The following SPATA17 variants were observed in gnomAD, a reference collection of about 807,000 sequenced individuals.
SPATA17 encodes spermatogenesis-associated protein 17.
In SPATA17, 53 loss-of-function variants were observed where a neutral mutation model predicts 62.2. That is an observed-to-expected ratio of 0.85 (90% CI 0.68 to 1.07). SPATA17 has a LOEUF of 1.07. Ranked by LOEUF, SPATA17 falls within the 50% of genes least tolerant of loss-of-function variation. The probability of loss-of-function intolerance (pLI) is 0.00; values close to 1 mark genes in which losing one functional copy is unlikely to be tolerated. For synonymous variants in SPATA17, 146 were observed against 146.8 expected, an observed-to-expected ratio of 0.99 and a Z score of 0.04; for missense variants, 466 against 425.5, an observed-to-expected ratio of 1.10 and a Z score of -0.84.
At chr1:217,756,297 A>G (rs1046772764) in intron 6 of SPATA17, among the ~76,000 whole-genome samples, 1 of 148,526 alleles carries the variant, frequency 6.7e-6, no homozygotes, top group African/African-American at 2.5e-5. Context: ...ACTTATGTCT[A>G]TATTTGCCCA....
At chr1:217,718,876 CA>C (rs1416535394) in intron 5 of SPATA17, among the ~76,000 whole-genome samples, 4 of 151,996 alleles carry the variant, frequency 2.6e-5, no homozygotes, top group Admixed American at 2.6e-4. Context: ...ACAAAACAAA[CA>C]AAAAAACAGC....
At chr1:217,754,072 C>T (rs746969989) in intron 6 of SPATA17, among the ~76,000 whole-genome samples, 2 of 148,680 alleles carry the variant, frequency 1.3e-5, no homozygotes, top group Admixed American at 6.7e-5. Context: ...ACCATCTCTA[C>T]AAAAAAAAAA....
intron 9 of SPATA17, among the ~76,000 whole-genome samples, chr1:217,821,872 T>G (rs1674872092): frequency 6.6e-6 from 1 of 152,066 alleles, no homozygotes; most frequent in South Asian, 2.1e-4. Context: ...TGTATGTCCT[T>G]AGAAATGAGT....
At chr1:217,660,892 C>T (rs973103613) in intron 3 of SPATA17, among the ~76,000 whole-genome samples, 2 of 152,162 alleles carry the variant, frequency 1.3e-5, no homozygotes, top group Non-Finnish European at 2.9e-5. Flanking sequence ...TTATAAGAAA[C>T]ATTCTGAATG....
chr1:217,829,150 T>C (rs1223833233), intron 9 of SPATA17, among the ~76,000 whole-genome samples: 1 of 152,264 alleles, frequency 6.6e-6, no homozygotes, highest in Admixed American at 6.5e-5. Context: ...TCTACATTCA[T>C]TGCAGCATTA....
chr1:217,667,048 C>CTTTT (rs1191694917), intron 3 of SPATA17, among the ~76,000 whole-genome samples: 11 of 115,522 alleles, frequency 9.5e-5, no homozygotes, highest in Non-Finnish European at 1.6e-4. Flanking sequence ...TTTTTTTTTT[C>CTTTT]TTTTTTTTTT....
chr1:217,641,152 C>G (rs916470989), intron 1 of SPATA17, among the ~76,000 whole-genome samples: 2 of 151,966 alleles, frequency 1.3e-5, no homozygotes, highest in Non-Finnish European at 2.9e-5. Flanking sequence ...GTCCTCTGAC[C>G]GTGAAGGACT....
intron 8 of SPATA17, among the ~76,000 whole-genome samples, chr1:217,800,354 A>G (rs1480494044): frequency 1.3e-5 from 2 of 151,488 alleles, no homozygotes; most frequent in East Asian, 1.9e-4. Flanking sequence ...TCTGAAGGAT[A>G]TAAGTCCAAG....
Position 217,848,864 on chromosome 1 carries a change from A to G in SPATA17, c.1006-13910A>G, listed in dbSNP as rs143622831. On this transcript the variant is annotated intron_variant, in intron 9 of 10. Transcript: ENST00000366933. ...TCTTCAACTTCTTTTTGAATTTTAT[A>G]TTCCTTATTTCCATTTTATTGTCCT... Among the ~76,000 whole-genome samples, 1,326 of 152,120 alleles carry G rather than the reference A, an allele frequency of 8.7e-3. 13 individuals carry two copies. Among genetic ancestry groups the G allele is most frequent in the African/African-American group, 0.03 (1,260 of 41,516 alleles).
chr1:217,795,464 C>T (rs1213592487), intron 8 of SPATA17, among the ~76,000 whole-genome samples: 4 of 142,008 alleles, frequency 2.8e-5, no homozygotes, highest in African/African-American at 7.8e-5. Flanking sequence ...CCGCCTCTGG[C>T]GTTCAATTGA....
chr1:217,757,801 G>A (rs1310430761), intron 6 of SPATA17, among the ~76,000 whole-genome samples: 1 of 152,150 alleles, frequency 6.6e-6, no homozygotes, highest in Non-Finnish European at 1.5e-5. Context: ...AGATCATTAC[G>A]TTGTAGGCTT....
chr1:217,654,098 C>T (rs1440337759), intron 3 of SPATA17, among the ~76,000 whole-genome samples: 1 of 151,146 alleles, frequency 6.6e-6, no homozygotes, highest in African/African-American at 2.4e-5. Flanking sequence ...TCTTTCTTTC[C>T]AATTTTGACA....
intron 9 of SPATA17, among the ~76,000 whole-genome samples, chr1:217,815,406 T>C (rs1049338160): frequency 6.6e-6 from 1 of 152,170 alleles, no homozygotes; most frequent in Non-Finnish European, 1.5e-5. Context: ...TACTTCTAGG[T>C]AGGCCCCTAT....
chr1:217,648,073 T>C (rs1426559760), intron 1 of SPATA17, among the ~76,000 whole-genome samples: 1 of 152,142 alleles, frequency 6.6e-6, no homozygotes, highest in African/African-American at 2.4e-5. Flanking sequence ...TATACAACAA[T>C]AAGGAATCAT....
intron 5 of SPATA17, among the ~76,000 whole-genome samples, chr1:217,733,442 C>T (rs1481911339): frequency 6.6e-6 from 1 of 152,148 alleles, no homozygotes; most frequent in East Asian, 1.9e-4. Flanking sequence ...AACTCCAATA[C>T]CATCACCTCC....
chr1:217,840,005 G>A (rs894496358), intron 9 of SPATA17, among the ~76,000 whole-genome samples: 2 of 135,506 alleles, frequency 1.5e-5, no homozygotes, highest in Non-Finnish European at 3.5e-5. Context: ...GTTTAATCTT[G>A]TCGAAAAAAA....
intron 5 of SPATA17, among the ~76,000 whole-genome samples, chr1:217,703,308 A>G (rs963370857): frequency 2.0e-5 from 3 of 151,404 alleles, no homozygotes; most frequent in Non-Finnish European, 4.4e-5. Context: ...AGTAATGGGG[A>G]ATACAGGCAC....
intron 9 of SPATA17, among the ~76,000 whole-genome samples, chr1:217,849,303 G>A (rs1459496374): frequency 1.3e-5 from 2 of 152,008 alleles, no homozygotes; most frequent in African/African-American, 4.8e-5. Flanking sequence ...TCTGTGGATG[G>A]GCCACTACCT....
At chr1:217,704,113 G>C (rs1259997884) in intron 5 of SPATA17, among the ~76,000 whole-genome samples, 1 of 150,244 alleles carries the variant, frequency 6.7e-6, no homozygotes, top group Non-Finnish European at 1.5e-5. Flanking sequence ...CACCTTTGCT[G>C]TATAGGCAAA....
Sources: gnomAD v4.1 joint callset for allele counts (sites outside exome capture counted in the v4.1 genomes callset) on GRCh38, gnomAD v4.1.1 for gene constraint, MANE v1.5 for transcripts, NCBI Gene and HGNC (gene_info 2026-07-23, HGNC 2026-07-21) for gene names.